Variants in TOR1B observed in about 807,000 individuals in gnomAD.
TOR1B encodes torsin-1B.
In TOR1B, 14 loss-of-function variants were observed where a neutral mutation model predicts 29.2. The ratio of observed to expected loss-of-function variants is 0.48; its 90% confidence interval spans 0.32 to 0.75. The LOEUF (loss-of-function observed/expected upper bound fraction) is 0.75, where lower values mean the gene tolerates loss of function less well. TOR1B is among the 30% of genes least tolerant of loss of function. The pLI is 0.04. For synonymous variants in TOR1B, 166 were observed against 179.8 expected (o/e 0.92, Z 0.62); for missense variants, 400 against 433.9 (o/e 0.92, Z 0.69).
At position 129,804,093 on chromosome 9, in the gene TOR1B, GAGA is replaced by G. The variant is rs2030326245; in HGVS notation, c.223_225del (p.Lys75del). ...TGCAGCTCTCAAGCTGGATTTGGAGGAGAAGCTGTTTGGACAGCATCTAGCCAC... is the reference window on the plus strand; with the variant it reads ...TGCAGCTCTCAAGCTGGATTTGGAGGAGCTGTTTGGACAGCATCTAGCCAC... On this transcript the variant is annotated inframe_deletion, in exon 2 of 5. Coordinates refer to ENST00000259339, the MANE Select transcript of TOR1B (RefSeq NM_014506.3). 2 of 1,614,060 alleles carry G rather than the reference GAGA, an allele frequency of 1.2e-6. No homozygotes were observed. The highest frequency in any genetic ancestry group is 1.7e-6 in the Non-Finnish European group (2 of 1,180,028).
In TOR1B at chr9:129,809,690, C is replaced by A; in HGVS notation, c.*107C>A. 1 of 1,530,436 alleles carries A rather than the reference C, an allele frequency of 6.5e-7. No homozygotes were observed. Among genetic ancestry groups the A allele is most frequent in the Non-Finnish European group, 8.7e-7 (1 of 1,147,272 alleles). The allele number at this position is 1,530,436 out of a possible 1,614,324, so 94.8% of individuals were successfully genotyped here. ...GCTTTGGGGTTTTGCCTGTTTGCACCTTAGACTTTTGGGTATAGAATCTTT... is the reference window on the plus strand; with the variant it reads ...GCTTTGGGGTTTTGCCTGTTTGCACATTAGACTTTTGGGTATAGAATCTTT... On this transcript the variant is annotated 3_prime_UTR_variant, in exon 5 of 5. Coordinates refer to ENST00000259339, the MANE Select transcript of TOR1B (RefSeq NM_014506.3).
intron 2 of TOR1B, among the ~76,000 whole-genome samples, chr9:129,805,421 CA>C (rs1210534162): frequency 7.2e-6 from 1 of 138,728 alleles, no homozygotes; most frequent in Admixed American, 7.3e-5. Flanking sequence ...GACTCTGTCT[CA>C]AAAAAAAAGA....
chr9:129,809,600 G>C lies in TOR1B; in HGVS notation c.*17G>C. 1 of 1,613,684 alleles carries C rather than the reference G, an allele frequency of 6.2e-7. No individual in the cohort carries two copies. The highest frequency in any genetic ancestry group is 8.5e-7 in the Non-Finnish European group (1 of 1,179,618). ...TTCCACTGAGCTCCTATCCAGATGG[G>C]GTAGGAGACAGCTGGGAGGCTCCGC... On this transcript the variant is annotated 3_prime_UTR_variant, in exon 5 of 5. Transcript: ENST00000259339.
intron 3 of TOR1B, among the ~76,000 whole-genome samples, chr9:129,808,072 T>C (rs1261397074): frequency 1.3e-5 from 2 of 152,074 alleles, no homozygotes; most frequent in East Asian, 1.9e-4. Context: ...TTAATTTTAT[T>C]AACTGTGCAT....
Position 129,810,339 on chromosome 9 carries a change from GT to G in TOR1B, c.*757del. 1.7e-6 allele frequency: 2 copies of G among 1,172,372 alleles called. No individual in the cohort carries two copies. The highest frequency in any genetic ancestry group is 2.2e-6 in the Non-Finnish European group (2 of 902,172). 72.6% of individuals were successfully genotyped at this position (1,172,372 alleles called of 1,614,324 possible). A position where few individuals can be genotyped will look rare whatever the true frequency, so the allele number is the denominator to read the frequency against. On this transcript the variant is annotated 3_prime_UTR_variant, in exon 5 of 5. Transcript: ENST00000259339. Reference sequence around the variant, plus strand: ...GCACTCTTGATCTGAGCTGACCTGTGTGTGTGTGTGTGGGGGGGTGGGGCCT... The same window carrying G: ...GCACTCTTGATCTGAGCTGACCTGTGGTGTGTGTGTGGGGGGGTGGGGCCT...
At chr9:129,808,142 T>A (rs2030611139) in intron 3 of TOR1B, among the ~76,000 whole-genome samples, 1 of 152,150 alleles carries the variant, frequency 6.6e-6, no homozygotes, top group Non-Finnish European at 1.5e-5. Context: ...GAATAAACAC[T>A]TTAAGTTCCA....
chr9:129,803,519 C>T (rs1347978492), intron 1 of TOR1B, 108 bp downstream of exon 1: 17 of 1,179,982 alleles, frequency 1.4e-5, no homozygotes, highest in Non-Finnish European at 1.7e-5. Context: ...CCCGTGGCAT[C>T]TAGACGGCGG....
rs1384187478 is a variant in TOR1B, at chr9:129,810,632, G to C, written c.*1049G>C. 1.0e-5 allele frequency: 2 copies of C among 192,770 alleles called. No homozygotes were observed. The highest frequency in any genetic ancestry group is 4.7e-5 in the African/African-American group (2 of 43,008). The allele number at this position is 192,770 out of a possible 1,614,324, so 11.9% of individuals were successfully genotyped here. ...ATGCTTGTTAAGACTTTATACTTGG[G>C]TCAATCTCTCACTTTATTTTGTAGA... On this transcript the variant is annotated 3_prime_UTR_variant, in exon 5 of 5. Coordinates refer to ENST00000259339, the MANE Select transcript of TOR1B (RefSeq NM_014506.3).
chr9:129,809,799 T>A lies in TOR1B; in HGVS notation c.*216T>A. On this transcript the variant is annotated 3_prime_UTR_variant, in exon 5 of 5. Transcript: ENST00000259339. ...ACTCACTGCAACCTCCGCTCCCGGT[T>A]TGAGTGATTCTCATGCCTCAGCCTC... is the stretch of plus-strand genomic sequence containing the variant. The A allele has an allele frequency of 7.2e-7, 1 of 1,394,530 alleles. No individual in the cohort carries two copies. The highest frequency in any genetic ancestry group is 9.3e-7 in the Non-Finnish European group (1 of 1,074,944). The allele number at this position is 1,394,530 out of a possible 1,614,324, so 86.4% of individuals were successfully genotyped here. A position where few individuals can be genotyped will look rare whatever the true frequency, so the allele number is the denominator to read the frequency against.
Position 129,810,345 on chromosome 9 carries a change from G to GC in TOR1B, c.*762_*763insC. On this transcript the variant is annotated 3_prime_UTR_variant, in exon 5 of 5. Coordinates refer to ENST00000259339, the MANE Select transcript of TOR1B (RefSeq NM_014506.3). ...TTGATCTGAGCTGACCTGTGTGTGT[G>GC]TGTGTGGGGGGGTGGGGCCTTCACC... 8.8e-7 allele frequency: 1 copy of GC among 1,131,808 alleles called. No individual in the cohort carries two copies. Among genetic ancestry groups the GC allele is most frequent in the Non-Finnish European group, 1.1e-6 (1 of 871,764 alleles). The allele number at this position is 1,131,808 out of a possible 1,614,324, so 70.1% of individuals were successfully genotyped here.
intron 1 of TOR1B, 111 bp from the exon 2 acceptor site, chr9:129,803,962 C>A: frequency 1.4e-6 from 2 of 1,435,754 alleles, no homozygotes; most frequent in South Asian, 1.3e-5. Flanking sequence ...AGACACCCTG[C>A]TGTGTCCCTG....
intron 3 of TOR1B, 134 bp from the exon 4 acceptor site, chr9:129,808,771 T>C: frequency 9.2e-7 from 1 of 1,083,684 alleles, no homozygotes. Context: ...AGGCTGGCCT[T>C]GAACTCCCGA....
Position 129,809,443 on chromosome 9 carries a change from G to A in TOR1B, c.871G>A (p.Glu291Lys), listed in dbSNP as rs528729099. 5 of 1,614,202 alleles carry A rather than the reference G, an allele frequency of 3.1e-6. No individual in the cohort carries two copies. Among genetic ancestry groups the A allele is most frequent in the Admixed American group, 3.3e-5 (2 of 60,020 alleles). ...YRHVKMCVRA[E>K]MRARGSAIDE... ...ACATGTGAAAATGTGTGTGAGGGCCGAGATGAGGGCCCGTGGTTCTGCCAT... is the reference window on the plus strand; with the variant it reads ...ACATGTGAAAATGTGTGTGAGGGCCAAGATGAGGGCCCGTGGTTCTGCCAT... Residue 291 changes from glutamate (E) to lysine (K), a missense_variant, in exon 5 of 5, where the codon GAG becomes AAG. Glu to Lys is a moderately conservative substitution (Grantham distance 56). Coordinates refer to ENST00000259339, the MANE Select transcript of TOR1B (RefSeq NM_014506.3).
Position 129,803,242 on chromosome 9 carries a change from G to A in TOR1B, c.30G>A (p.Ala10=). The A allele has an allele frequency of 1.9e-6, 3 of 1,542,712 alleles. No homozygotes were observed. Among genetic ancestry groups the A allele is most frequent in the Non-Finnish European group, 1.7e-6 (2 of 1,151,930 alleles). ...TGCGGGCTGGGTGGCTCCGGGGCGCGGCGGCGCTGGCGCTGCTGCTGGCGG... is the reference window on the plus strand; with the variant it reads ...TGCGGGCTGGGTGGCTCCGGGGCGCAGCGGCGCTGGCGCTGCTGCTGGCGG... MLRAGWLRG[A]AALALLLAAR... is the part of the protein sequence containing the mutation. The change falls in exon 1 of 5, where the codon GCG becomes GCA. Residue 10 remains alanine (A), a synonymous_variant. Transcript: ENST00000259339.
At position 129,811,224 on chromosome 9, in the gene TOR1B, G is replaced by A. The variant is rs1326291789; in HGVS notation, c.*1641G>A. 1.3e-5 allele frequency: 2 copies of A among 152,016 alleles called. No homozygotes were observed. Among genetic ancestry groups the A allele is most frequent in the Non-Finnish European group, 2.9e-5 (2 of 67,996 alleles). 9.4% of individuals were successfully genotyped at this position (152,016 alleles called of 1,614,324 possible). ...TTTATAACCTTTTGGGCATCTGGTC[G>A]AGAGAAGACAAGATTTTCTCTATTT... is the stretch of plus-strand genomic sequence containing the variant. On this transcript the variant is annotated 3_prime_UTR_variant, in exon 5 of 5. Coordinates refer to ENST00000259339, the MANE Select transcript of TOR1B (RefSeq NM_014506.3).
chr9:129,809,083 C>G (rs1179105990), intron 4 of TOR1B, 51 bp downstream of exon 4: 1 of 1,557,146 alleles, frequency 6.4e-7, no homozygotes, highest in Non-Finnish European at 8.6e-7. Context: ...AGTGAGCCGT[C>G]TGCTCTTTCA....
Position 129,803,344 on chromosome 9 carries a change from G to T in TOR1B, c.132G>T (p.Leu44=), listed in dbSNP as rs1255198523. The T allele has an allele frequency of 6.3e-7, 1 of 1,589,526 alleles. No homozygotes were observed. The highest frequency in any genetic ancestry group is 1.7e-5 in the Admixed American group (1 of 58,142). The change falls in exon 1 of 5, where the codon CTG becomes CTT. Residue 44 remains leucine (L), a synonymous_variant. Transcript: ENST00000259339. ...CCGCGTCGGCCATCACCGGCTACCT[G>T]TCCTACAATGACATCTACTGCCGCT... The part of the protein sequence containing the change: ...IGAASAITGY[L]SYNDIYCRFA...
In TOR1B at chr9:129,809,820, G is replaced by T; in HGVS notation, c.*237G>T. On this transcript the variant is annotated 3_prime_UTR_variant, in exon 5 of 5. Transcript: ENST00000259339. The stretch of plus-strand genomic sequence containing the variant: ...CGGTTTGAGTGATTCTCATGCCTCA[G>T]CCTCCCGAGTAGCTGGGATTACAGG... The T allele has an allele frequency of 7.3e-7, 1 of 1,372,616 alleles. No homozygotes were observed. 85.0% of individuals were successfully genotyped at this position (1,372,616 alleles called of 1,614,324 possible).
At chr9:129,806,634 T>C (rs1295292321) in intron 2 of TOR1B, among the ~76,000 whole-genome samples, 3 of 152,154 alleles carry the variant, frequency 2.0e-5, no homozygotes, top group Non-Finnish European at 4.4e-5. Flanking sequence ...CTCAGCACTT[T>C]GGGAGGGTGA....
Sources: allele counts gnomAD v4.1 joint callset (sites outside exome capture counted in the v4.1 genomes callset), GRCh38; gene constraint gnomAD v4.1.1; transcripts MANE v1.5; gene names NCBI Gene and HGNC (gene_info 2026-07-23, HGNC 2026-07-21).